TAF3: variants seen among roughly 807,000 people sequenced by gnomAD.
TAF3 encodes the protein TATA-box binding protein associated factor 3, also known as transcription initiation factor TFIID subunit 3.
In TAF3, 7 loss-of-function variants were observed where a neutral mutation model predicts 80.6. The ratio of observed to expected loss-of-function variants is 0.09; its 90% CI spans 0.05 to 0.16. The LOEUF is 0.16. TAF3 is among the 10% of genes least tolerant of loss of function. TAF3 has a pLI of 1.00. For missense variants in TAF3, 921 were observed against 1,140.2 expected, an observed-to-expected ratio of 0.81 and a Z score of 2.77; for synonymous variants, 444 against 446.1, an observed-to-expected ratio of 1.00 and a Z score of 0.06.
At chr10:7,972,606 T>G (rs570162907) in intron 3 of TAF3, among the ~76,000 whole-genome samples, 8 of 152,242 alleles carry the variant, frequency 5.3e-5, no homozygotes, top group Non-Finnish European at 1.0e-4. Context: ...ACCAGTTGAC[T>G]GAATACCTGT....
chr10:7,903,084 TG>T (rs1837574466), intron 2 of TAF3, among the ~76,000 whole-genome samples: 2 of 152,198 alleles, frequency 1.3e-5, no homozygotes, highest in South Asian at 4.1e-4. Flanking sequence ...TATCCTGGCA[TG>T]GTGACACACC....
rs374079684 is a variant in TAF3, at chr10:7,964,941, A to G, written c.1431A>G (p.Ala477=). 5 of 1,614,044 alleles carry G rather than the reference A, an allele frequency of 3.1e-6. No homozygotes were observed. The highest frequency in any genetic ancestry group is 3.4e-6 in the Non-Finnish European group (4 of 1,180,042). ...DASIDEVVRK[A]KLGTPSNMPP... is the part of the protein sequence containing the mutation. ...CCATTGATGAGGTTGTACGTAAAGC[A>G]AAACTGGGAACACCTTCAAATATGC... The change falls in exon 3 of 7, where the codon GCA becomes GCG. Residue 477 remains alanine, a synonymous_variant. Transcript: ENST00000344293. This position sits in a 1 kb window ranked among gnomAD's most constrained non-coding sequence, Gnocchi z 4.1.
rs1195837254 is a variant in TAF3 at position 7,953,868 on chromosome 10, A to G, written c.410-10052A>G. 2.7e-5 allele frequency among the ~76,000 whole-genome samples: 4 copies of G among 146,274 alleles called. No individual in the cohort carries two copies. In the East Asian group the frequency reaches 8.7e-4, roughly 32 times the overall value. ...ATAGGCAAATGAGTGGATTAGTCCT[A>G]GTTAACACAGAGCTCTCCATAGTGA... is the stretch of plus-strand genomic sequence containing the variant. On this transcript the variant is annotated intron_variant, in intron 2 of 6. Transcript: ENST00000344293.
At chr10:7,856,875 AAAAAAG>A (rs887631154) in intron 2 of TAF3, among the ~76,000 whole-genome samples, 10 of 151,930 alleles carry the variant, frequency 6.6e-5, no homozygotes, top group Non-Finnish European at 1.5e-4. Context: ...AAAAAAAAAA[AAAAAAG>A]CAGAAAGAAT....
intron 4 of TAF3, among the ~76,000 whole-genome samples, chr10:7,986,991 G>A (rs186607481): frequency 2.6e-5 from 4 of 152,180 alleles, no homozygotes; most frequent in African/African-American, 9.6e-5. Context: ...GTTAATCACT[G>A]CTGACTGTGC....
chr10:7,831,453 C>A (rs897760625), intron 2 of TAF3, among the ~76,000 whole-genome samples: 2 of 152,142 alleles, frequency 1.3e-5, no homozygotes, highest in African/African-American at 4.8e-5. Flanking sequence ...TCAAGGGATT[C>A]TCCTGCCTCA....
At chr10:7,884,360 G>A (rs868607521) in intron 2 of TAF3, among the ~76,000 whole-genome samples, 7 of 147,810 alleles carry the variant, frequency 4.7e-5, no homozygotes, top group African/African-American at 1.2e-4. Flanking sequence ...TTTAGCCCTG[G>A]AAGCAGCCGT....
rs921166869 is a variant in TAF3 at position 7,985,783 on chromosome 10, T to C, written c.2315+8460T>C. Among the ~76,000 whole-genome samples, 12 of 145,806 alleles carry C rather than the reference T, an allele frequency of 8.2e-5. 1 individual carries two copies. Among genetic ancestry groups the C allele is most frequent in the South Asian group, 4.5e-4 (2 of 4,432 alleles). On this transcript the variant is annotated intron_variant, in intron 4 of 6. Coordinates refer to ENST00000344293, the MANE Select transcript of TAF3 (RefSeq NM_031923.4). The stretch of plus-strand genomic sequence containing the variant: ...CTCAGTCTCTCATTCTCTCTCTCTT[T>C]TTTTTTTTTTTTTTTTTTGAGACGG...
At chr10:7,907,728 G>C (rs1422221175) in intron 2 of TAF3, among the ~76,000 whole-genome samples, 1 of 152,188 alleles carries the variant, frequency 6.6e-6, no homozygotes, top group Admixed American at 6.5e-5. Flanking sequence ...TTCCAAGGGA[G>C]GATTCTGTGT....
intron 2 of TAF3, among the ~76,000 whole-genome samples, chr10:7,840,688 G>A (rs886343039): frequency 2.0e-5 from 3 of 152,084 alleles, no homozygotes; most frequent in South Asian, 2.1e-4. Flanking sequence ...CTGGCTCAGT[G>A]TAAGACCCCA....
intron 4 of TAF3, among the ~76,000 whole-genome samples, chr10:7,977,761 C>T (rs950994564): frequency 6.6e-6 from 1 of 152,170 alleles, no homozygotes; most frequent in Non-Finnish European, 1.5e-5. Context: ...TTATTCTGTA[C>T]CTGTAAAACA....
At position 8,014,935 on chromosome 10, in the gene TAF3, T is replaced by TCGTGA. The variant is rs1832090681; in HGVS notation, c.*184_*185insCGTGA. 6.0e-6 allele frequency: 3 copies of TCGTGA among 497,124 alleles called. No individual in the cohort carries two copies. The highest frequency in any genetic ancestry group is 5.8e-5 in the African/African-American group (3 of 51,392). The allele number at this position is 497,124 out of a possible 1,614,324, so 30.8% of individuals were successfully genotyped here. ...TGTTCACTCCCGAGCCGCCTTGGCC[T>TCGTGA]GTGGCTCCGTGGCAGTGCGACAGAA... is the stretch of plus-strand genomic sequence containing the variant. On this transcript the variant is annotated 3_prime_UTR_variant, in exon 7 of 7. Transcript: ENST00000344293.
At chr10:7,822,186 A>C (rs993251566) in intron 1 of TAF3, among the ~76,000 whole-genome samples, 1 of 151,714 alleles carries the variant, frequency 6.6e-6, no homozygotes, top group Admixed American at 6.6e-5. Flanking sequence ...ACTTGAGACT[A>C]TACTGAGATA....
chr10:7,969,966 T>C (rs1158886418), intron 3 of TAF3, among the ~76,000 whole-genome samples: 5 of 152,256 alleles, frequency 3.3e-5, no homozygotes, highest in African/African-American at 1.2e-4. Context: ...TTAACTTATC[T>C]CTGCTTAAAA....
intron 2 of TAF3, among the ~76,000 whole-genome samples, chr10:7,870,724 T>C (rs1837257384): frequency 6.6e-6 from 1 of 152,166 alleles, no homozygotes; most frequent in Admixed American, 6.5e-5. Context: ...AGTCCTTTCC[T>C]TGAGTGTCTT....
rs765094437 is a variant in TAF3 at position 7,977,288 on chromosome 10, A to G, written c.2280A>G (p.Arg760=). The G allele has an allele frequency of 1.9e-6, 3 of 1,614,208 alleles. No individual in the cohort carries two copies. Among genetic ancestry groups the G allele is most frequent in the Admixed American group, 1.7e-5 (1 of 60,026 alleles). ...TGGCCCCGAGTCCAGTTATCCCCAG[A>G]TTAACTCTCCGAGTCGGTGCTGGCC... is the stretch of plus-strand genomic sequence containing the variant. ...VALAPSPVIP[R]LTLRVGAGQD... The change falls in exon 4 of 7, where the codon AGA becomes AGG. Residue 760 remains arginine, a synonymous_variant. Transcript: ENST00000344293.
Position 7,866,505 on chromosome 10 carries a change from C to T in TAF3, c.409+41945C>T, listed in dbSNP as rs189398545. Among the ~76,000 whole-genome samples the T allele has an allele frequency of 9.2e-5, 14 of 152,174 alleles. No homozygotes were observed. The East Asian group carries it at 1.2e-3, about 13-fold the overall frequency. On this transcript the variant is annotated intron_variant, in intron 2 of 6. Coordinates refer to ENST00000344293, the MANE Select transcript of TAF3 (RefSeq NM_031923.4). Reference sequence around the variant, plus strand: ...AGTGTGCTAGACAGAGAAGAGTGAGCGCAAAACCTCTGAAGTGAGAGTCAA... The same window carrying T: ...AGTGTGCTAGACAGAGAAGAGTGAGTGCAAAACCTCTGAAGTGAGAGTCAA...
intron 2 of TAF3, among the ~76,000 whole-genome samples, chr10:7,859,295 TAAATAAATAAATAAATAA>T (rs1208449627): frequency 1.4e-5 from 2 of 144,826 alleles, no homozygotes; most frequent in East Asian, 3.9e-4. Context: ...AATAAATAAA[TAAATAAATAAATAAATAA>T]ATAAAAGAGA....
At position 7,858,734 on chromosome 10, in the gene TAF3, A is replaced by C. The variant is rs189864294; in HGVS notation, c.409+34174A>C. Among the ~76,000 whole-genome samples, 43 of 152,318 alleles carry C rather than the reference A, an allele frequency of 2.8e-4. 1 individual carries two copies. The highest frequency in any genetic ancestry group is 1.7e-3 in the East Asian group (9 of 5,190). On this transcript the variant is annotated intron_variant, in intron 2 of 6. Coordinates refer to ENST00000344293, the MANE Select transcript of TAF3 (RefSeq NM_031923.4). ...GCCGGGACATATTCACATGCTTAGC[A>C]CATGTTAGCAGCTATGAATTATTTT...
Sources: gnomAD v4.1 joint callset for allele counts (sites outside exome capture counted in the v4.1 genomes callset) on GRCh38, gnomAD v4.1.1 for gene constraint, Gnocchi (gnomAD v3.1) non-coding constraint, MANE v1.5 for transcripts, NCBI Gene and HGNC (gene_info 2026-07-23, HGNC 2026-07-21) for gene names.